The following CCSER1 variants were observed in gnomAD, a reference collection of about 807,000 sequenced individuals.
CCSER1 encodes coiled-coil serine rich protein 1.
Under a neutral mutation model 82.0 loss-of-function variants are expected in CCSER1, and 41 were observed. That is an observed-to-expected ratio of 0.50 (90% CI 0.39 to 0.65). The LOEUF (loss-of-function observed/expected upper bound fraction) is 0.65. Among genes scored for constraint, CCSER1 ranks in the 30% least tolerant of loss-of-function variants. The pLI is 0.00. For missense variants in CCSER1, 1,119 were observed against 1,064.2 expected (o/e 1.05, Z -0.72); for synonymous variants, 414 against 383.9 (o/e 1.08, Z -0.92).
rs965427634 is a variant in CCSER1, at chr4:90,770,678, CT to C, written c.2011-45077del. Among the ~76,000 whole-genome samples the C allele has an allele frequency of 9.2e-5, 14 of 152,118 alleles. No individual in the cohort carries two copies. In the South Asian group the frequency reaches 2.9e-3, roughly 32 times the overall value. On this transcript the variant is annotated intron_variant, in intron 7 of 10. Transcript: ENST00000509176. ...CTGTCATTCTATTTCCCTCTACTGA[CT>C]TTTTTTATGCCAAATCTCTTTCACT...
intron 9 of CCSER1, among the ~76,000 whole-genome samples, chr4:91,068,532 A>G (rs1006649121): frequency 4.6e-5 from 7 of 152,214 alleles, no homozygotes; most frequent in Admixed American, 2.0e-4. Flanking sequence ...TTTGTTTAAT[A>G]TTGAGTCTTC....
At chr4:90,195,650 A>AG (rs796156092) in intron 1 of CCSER1, among the ~76,000 whole-genome samples, 9 of 152,222 alleles carry the variant, frequency 5.9e-5, no homozygotes, top group African/African-American at 2.2e-4. Context: ...GTGTAGGAGC[A>AG]GGGGGTATAT....
intron 10 of CCSER1, among the ~76,000 whole-genome samples, chr4:91,484,054 CTAA>C (rs1361482170): frequency 2.1e-5 from 1 of 47,554 alleles, no homozygotes; most frequent in Non-Finnish European, 4.5e-5. Context: ...TGCCTATTCT[CTAA>C]AAAAAAAAAA....
intron 9 of CCSER1, among the ~76,000 whole-genome samples, chr4:91,048,547 C>T (rs751517419): frequency 1.3e-4 from 20 of 151,992 alleles, no homozygotes; most frequent in Non-Finnish European, 2.4e-4. Context: ...GGTAGAGAAT[C>T]TATATTCCCA....
intron 5 of CCSER1, among the ~76,000 whole-genome samples, chr4:90,470,634 G>C (rs1764231192): frequency 2.0e-5 from 3 of 152,022 alleles, no homozygotes; most frequent in South Asian, 4.2e-4. Context: ...TCTTCTGTCT[G>C]GGCTTTTCAT....
chr4:90,948,289 A>G (rs1732497289), intron 9 of CCSER1, among the ~76,000 whole-genome samples: 1 of 151,876 alleles, frequency 6.6e-6, no homozygotes, highest in South Asian at 2.1e-4. Context: ...TAATCCAAAT[A>G]TAAATGTAAA....
intron 8 of CCSER1, among the ~76,000 whole-genome samples, chr4:90,913,008 C>G (rs949211907): frequency 1.3e-5 from 2 of 152,204 alleles, no homozygotes; most frequent in Non-Finnish European, 2.9e-5. Context: ...AAATCTGCGT[C>G]TGATTGGTGT....
chr4:91,181,065 C>T (rs527307136), intron 10 of CCSER1, among the ~76,000 whole-genome samples: 1 of 152,324 alleles, frequency 6.6e-6, no homozygotes, highest in East Asian at 1.9e-4. Flanking sequence ...GCCCTCATTC[C>T]CATAAACCCA....
intron 9 of CCSER1, among the ~76,000 whole-genome samples, chr4:91,065,423 T>C (rs1720705753): frequency 6.6e-6 from 1 of 152,176 alleles, no homozygotes; most frequent in Non-Finnish European, 1.5e-5. Context: ...ATCATACTAT[T>C]ACAATTAATT....
At chr4:91,513,541 C>G (rs1440857813) in intron 10 of CCSER1, among the ~76,000 whole-genome samples, 1 of 152,170 alleles carries the variant, frequency 6.6e-6, no homozygotes, top group Non-Finnish European at 1.5e-5. Context: ...GGATCAGTAA[C>G]AGCTCTTATT....
chr4:90,461,500 C>T (rs564787031), intron 4 of CCSER1, among the ~76,000 whole-genome samples: 2 of 152,208 alleles, frequency 1.3e-5, no homozygotes, highest in South Asian at 4.1e-4. Context: ...AAGGTATTGC[C>T]GATGACCTAT....
At chr4:90,217,783 T>C (rs529711070) in intron 1 of CCSER1, among the ~76,000 whole-genome samples, 1 of 152,046 alleles carries the variant, frequency 6.6e-6, no homozygotes, top group South Asian at 2.1e-4. Flanking sequence ...ATGCCTAATT[T>C]CTTTTTCTTT....
chr4:90,542,148 C>A (rs1776186529), intron 5 of CCSER1, among the ~76,000 whole-genome samples: 1 of 151,880 alleles, frequency 6.6e-6, no homozygotes, highest in Non-Finnish European at 1.5e-5. Context: ...GAGATAAATT[C>A]AGATTAAAAA....
chr4:91,394,849 ACT>A (rs940478255), intron 10 of CCSER1, among the ~76,000 whole-genome samples: 4 of 150,470 alleles, frequency 2.7e-5, no homozygotes, highest in African/African-American at 9.9e-5. Context: ...TTGCTATCCC[ACT>A]GTTTTTTTTT....
chr4:91,183,082 A>G (rs746439703), intron 10 of CCSER1, among the ~76,000 whole-genome samples: 85 of 152,224 alleles, frequency 5.6e-4, no homozygotes, highest in Non-Finnish European at 1.1e-3. Flanking sequence ...GAAGAGATGT[A>G]TGAGCCCTAA....
chr4:90,202,937 G>A (rs1349846602), intron 1 of CCSER1, among the ~76,000 whole-genome samples: 1 of 152,186 alleles, frequency 6.6e-6, no homozygotes, highest in African/African-American at 2.4e-5. Flanking sequence ...TTGTTAAAAT[G>A]TCCAGGAATA....
At chr4:90,404,335 G>A (rs1753385648) in intron 4 of CCSER1, among the ~76,000 whole-genome samples, 1 of 152,140 alleles carries the variant, frequency 6.6e-6, no homozygotes, top group South Asian at 2.1e-4. Context: ...GAGAGGCTGA[G>A]CTCAGAAATG....
At chr4:90,507,149 T>G (rs1770813551) in intron 5 of CCSER1, among the ~76,000 whole-genome samples, 1 of 152,218 alleles carries the variant, frequency 6.6e-6, no homozygotes, top group African/African-American at 2.4e-5. Flanking sequence ...CTAGTTTTGT[T>G]CTTAACACTG....
intron 3 of CCSER1, among the ~76,000 whole-genome samples, chr4:90,366,262 A>G (rs1247882858): frequency 2.0e-5 from 3 of 149,510 alleles, no homozygotes; most frequent in Non-Finnish European, 4.5e-5. Flanking sequence ...AGGTTCATTT[A>G]TAACAGCTGA....
Sources: gnomAD v4.1 joint callset for allele counts (sites outside exome capture counted in the v4.1 genomes callset) on GRCh38, gnomAD v4.1.1 for gene constraint, MANE v1.5 for transcripts, NCBI Gene and HGNC (gene_info 2026-07-23, HGNC 2026-07-21) for gene names.